The following SGCD variants were observed in gnomAD, a reference collection of about 807,000 sequenced individuals.
SGCD encodes the protein delta-sarcoglycan.
Under a neutral mutation model 36.6 loss-of-function variants are expected in SGCD, and 18 were observed. The observed-to-expected ratio is 0.49, with a 90% CI of 0.34 to 0.73. SGCD has a LOEUF of 0.73. Ranked by LOEUF, SGCD falls within the 30% of genes least tolerant of loss-of-function variation. The pLI is 0.01. For synonymous variants in SGCD, 133 were observed against 130.6 expected (o/e 1.02, Z -0.12); for missense variants, 387 against 346.7 (o/e 1.12, Z -0.92).
At chr5:156,630,849 G>T (rs1015963110) in intron 6 of SGCD, among the ~76,000 whole-genome samples, 1 of 152,136 alleles carries the variant, frequency 6.6e-6, no homozygotes, top group African/African-American at 2.4e-5. Context: ...AGGGCACATT[G>T]TGGGACCTAA....
At chr5:156,198,736 T>C (rs1271051428) in intron 3 of SGCD, among the ~76,000 whole-genome samples, 1 of 152,160 alleles carries the variant, frequency 6.6e-6, no homozygotes, top group Non-Finnish European at 1.5e-5. Flanking sequence ...ACAACATCCT[T>C]CTTTATTTGA....
At chr5:156,619,002 C>T (rs181787319) in intron 6 of SGCD, among the ~76,000 whole-genome samples, 1 of 150,838 alleles carries the variant, frequency 6.6e-6, no homozygotes, top group African/African-American at 2.4e-5. Flanking sequence ...ACTGTGTGGC[C>T]GCTTTGAAGA....
intron 3 of SGCD, among the ~76,000 whole-genome samples, chr5:156,233,918 A>T (rs544349952): frequency 1.2e-4 from 19 of 152,088 alleles, no homozygotes; most frequent in African/African-American, 3.9e-4. Flanking sequence ...TTGTTTTTTT[A>T]AAAAAGAAAT....
At chr5:156,384,642 T>C (rs1276571229) in intron 3 of SGCD, among the ~76,000 whole-genome samples, 2 of 145,558 alleles carry the variant, frequency 1.4e-5, no homozygotes, top group East Asian at 2.0e-4. Context: ...AGAGATGCAA[T>C]TAAAAAACAT....
chr5:156,091,599 T>C (rs1322269277), intron 1 of SGCD, among the ~76,000 whole-genome samples: 1 of 152,200 alleles, frequency 6.6e-6, no homozygotes, highest in Non-Finnish European at 1.5e-5. Context: ...TCCAGCCTCC[T>C]GGAATAGACT....
Position 156,058,851 on chromosome 5 carries a change from G to C in SGCD, c.-281-59027G>C, listed in dbSNP as rs1393417971. Among the ~76,000 whole-genome samples, 6 of 145,728 alleles carry C rather than the reference G, an allele frequency of 4.1e-5. No homozygotes were observed. In the Admixed American group the frequency reaches 4.1e-4, roughly 10 times the overall value. On this transcript the variant is annotated intron_variant, in intron 1 of 9. Coordinates refer to the SGCD transcript ENST00000517913. ...AAAGGGGAAACTGTGTAGGAATATA[G>C]ATGAAACAAGATTGGCCGTGAGTTA...
chr5:156,283,631 CA>C lies in SGCD; in HGVS notation c.-43-45902del, dbSNP rs369706524. Among the ~76,000 whole-genome samples the C allele has an allele frequency of 4.0e-4, 61 of 152,282 alleles. No homozygotes were observed. The South Asian group carries it at 0.011, about 26-fold the overall frequency. ...CTTAGAAGTAGTATCTGCATTTTAA[CA>C]GTGGTTTATCGTCCTAACTTAGTAG... On this transcript the variant is annotated intron_variant, in intron 3 of 9. Coordinates refer to the SGCD transcript ENST00000517913.
At chr5:156,464,514 C>T (rs1019026771) in intron 3 of SGCD, among the ~76,000 whole-genome samples, 10 of 152,072 alleles carry the variant, frequency 6.6e-5, no homozygotes, top group African/African-American at 9.7e-5. Context: ...GCCACCATGC[C>T]CGGCCTTGAA....
At chr5:156,217,013 G>A (rs1764593047) in intron 3 of SGCD, among the ~76,000 whole-genome samples, 1 of 152,166 alleles carries the variant, frequency 6.6e-6, no homozygotes, top group African/African-American at 2.4e-5. Flanking sequence ...GGGAGGCGGA[G>A]GTTGCAGTGA....
intron 1 of SGCD, among the ~76,000 whole-genome samples, chr5:155,985,843 G>A (rs562157498): frequency 6.6e-6 from 1 of 152,246 alleles, no homozygotes; most frequent in African/African-American, 2.4e-5. Flanking sequence ...TTGTGCCTTT[G>A]GAGCTGTCCC....
At chr5:155,953,860 A>G (rs1390059069) in intron 1 of SGCD, among the ~76,000 whole-genome samples, 7 of 152,192 alleles carry the variant, frequency 4.6e-5, no homozygotes, top group African/African-American at 1.7e-4. Context: ...AAAATATCCA[A>G]TTTATCCTAA....
At chr5:155,949,029 C>A (rs1007361947) in intron 1 of SGCD, among the ~76,000 whole-genome samples, 1 of 152,186 alleles carries the variant, frequency 6.6e-6, no homozygotes, top group South Asian at 2.1e-4. Context: ...ATGCATACCA[C>A]AGGACTGGGC....
intron 1 of SGCD, among the ~76,000 whole-genome samples, chr5:155,896,638 C>T (rs531414812): frequency 1.1e-3 from 157 of 141,640 alleles, no homozygotes; most frequent in Non-Finnish European, 1.6e-3. Context: ...AGAGAGAGAC[C>T]GTGTCTCAAA....
chr5:156,144,951 A>G (rs1040004069), intron 3 of SGCD, among the ~76,000 whole-genome samples: 4 of 152,190 alleles, frequency 2.6e-5, no homozygotes, highest in Non-Finnish European at 5.9e-5. Flanking sequence ...ATGAGTTAAG[A>G]CTTTGGTGAA....
chr5:156,167,783 A>G (rs951953947), intron 3 of SGCD, among the ~76,000 whole-genome samples: 3 of 152,224 alleles, frequency 2.0e-5, no homozygotes, highest in Non-Finnish European at 2.9e-5. Context: ...AAAACCAAGC[A>G]GATGCTGGTG....
At chr5:156,455,673 C>T (rs1243382406) in intron 3 of SGCD, among the ~76,000 whole-genome samples, 2 of 152,084 alleles carry the variant, frequency 1.3e-5, no homozygotes, top group Non-Finnish European at 2.9e-5. Flanking sequence ...TTCTCCTGTC[C>T]AGCTTCTTGA....
chr5:156,678,000 A>G (rs1344146085), intron 7 of SGCD, among the ~76,000 whole-genome samples: 1 of 152,208 alleles, frequency 6.6e-6, no homozygotes, highest in Non-Finnish European at 1.5e-5. Flanking sequence ...ATGCTAAGCC[A>G]GTGATTCCCA....
At chr5:156,071,923 G>A (rs1325207111) in intron 1 of SGCD, among the ~76,000 whole-genome samples, 2 of 152,024 alleles carry the variant, frequency 1.3e-5, no homozygotes, top group African/African-American at 4.8e-5. Context: ...TTGGTTTAAA[G>A]TCTGTTTTAT....
the SGCD span, among the ~76,000 whole-genome samples, chr5:155,802,150 G>A: frequency 3.3e-5 from 5 of 152,168 alleles, no homozygotes; most frequent in Non-Finnish European, 7.3e-5. Flanking sequence ...CCCAGGAGAC[G>A]ACTTGAACTG....
Sources: gnomAD v4.1 joint callset for allele counts (sites outside exome capture counted in the v4.1 genomes callset) on GRCh38, gnomAD v4.1.1 for gene constraint, MANE v1.5 for transcripts, NCBI Gene and HGNC (gene_info 2026-07-23, HGNC 2026-07-21) for gene names.